The following PRKD1 variants were observed in gnomAD, a reference collection of about 807,000 sequenced individuals.
PRKD1 encodes protein kinase D1, also known as serine/threonine-protein kinase D1.
Under a neutral mutation model 95.9 loss-of-function variants are expected in PRKD1, and 63 were observed. The observed-to-expected ratio is 0.66, with a 90% CI of 0.54 to 0.81. The LOEUF (loss-of-function observed/expected upper bound fraction) is 0.81, where lower values mean the gene tolerates loss of function less well. Ranked by LOEUF, PRKD1 falls within the 30% of genes least tolerant of loss-of-function variation. The pLI is 0.00. For synonymous variants in PRKD1, 425 were observed against 423.1 expected (o/e 1.00, Z -0.05); for missense variants, 1,048 against 1,165.3 (o/e 0.90, Z 1.47).
chr14:29,579,909 T>G (rs569445145), intron 16 of PRKD1, among the ~76,000 whole-genome samples: 1 of 152,166 alleles, frequency 6.6e-6, no homozygotes, highest in Non-Finnish European at 1.5e-5. Context: ...AGTATAGTTC[T>G]GTGAACTGCG....
chr14:29,800,650 C>T (rs1466101999), intron 1 of PRKD1, among the ~76,000 whole-genome samples: 7 of 152,162 alleles, frequency 4.6e-5, no homozygotes, highest in Non-Finnish European at 1.0e-4. Context: ...ACAGACTCTA[C>T]ACATAGACAT....
At chr14:29,588,935 C>T (rs772788815) in intron 16 of PRKD1, among the ~76,000 whole-genome samples, 8 of 151,926 alleles carry the variant, frequency 5.3e-5, no homozygotes, top group African/African-American at 9.7e-5. Context: ...CAGCAGGTGA[C>T]TCGGGAATAG....
chr14:29,623,636 G>T (rs1303154060), intron 13 of PRKD1, among the ~76,000 whole-genome samples: 7 of 152,186 alleles, frequency 4.6e-5, no homozygotes, highest in African/African-American at 1.4e-4. Flanking sequence ...ATTCTGGTTT[G>T]AAAAAGGGAC....
intron 4 of PRKD1, among the ~76,000 whole-genome samples, chr14:29,641,907 T>TTC (rs1880798274): frequency 6.9e-6 from 1 of 145,498 alleles, no homozygotes; most frequent in African/African-American, 2.6e-5. Context: ...TCTTTTTTTT[T>TTC]TTTTTTTTTT....
chr14:29,773,292 T>C (rs1224081669), intron 1 of PRKD1, among the ~76,000 whole-genome samples: 3 of 151,836 alleles, frequency 2.0e-5, no homozygotes, highest in African/African-American at 7.3e-5. Context: ...AAAACCCCAC[T>C]CTACTAAAAA....
intron 1 of PRKD1, among the ~76,000 whole-genome samples, chr14:29,879,925 A>G (rs116983514): frequency 1.3e-5 from 2 of 152,200 alleles, no homozygotes; most frequent in East Asian, 3.8e-4. Context: ...AGAAGTTTCT[A>G]AACAGCAAAG....
intron 2 of PRKD1, among the ~76,000 whole-genome samples, chr14:29,677,014 G>A (rs1470759242): frequency 6.6e-6 from 1 of 152,186 alleles, no homozygotes; most frequent in African/African-American, 2.4e-5. Context: ...CTATATTGCA[G>A]AGTGCAGAAC....
intron 15 of PRKD1, among the ~76,000 whole-genome samples, chr14:29,598,784 G>A (rs1893405464): frequency 6.6e-6 from 1 of 152,172 alleles, no homozygotes; most frequent in Non-Finnish European, 1.5e-5. Context: ...GTCACTCTCA[G>A]GCCACTTCCG....
At chr14:29,812,081 A>G (rs942661936) in intron 1 of PRKD1, 1 of 152,212 alleles carries the variant, frequency 6.6e-6, no homozygotes, top group Admixed American at 6.5e-5. Flanking sequence ...GAGAACACAT[A>G]AAACTTGGGA....
rs148832736 is a variant in PRKD1 at position 29,648,651 on chromosome 14, T to G, written c.697-9747A>C. Among the ~76,000 whole-genome samples the G allele has an allele frequency of 8.5e-3, 1,301 of 152,264 alleles. 20 individuals are homozygous for G. The highest frequency in any genetic ancestry group is 0.03 in the African/African-American group (1,239 of 41,546). On this transcript the variant is annotated intron_variant, in intron 4 of 17. Transcript: ENST00000331968. ...GGCCTCACAAAGTCTTTTATAAAAC[T>G]GGCTGGGGCTTCTGTTTTTTTGACA...
chr14:29,620,918 A>G (rs1349369715), intron 13 of PRKD1, among the ~76,000 whole-genome samples: 2 of 151,958 alleles, frequency 1.3e-5, no homozygotes, highest in African/African-American at 4.8e-5. Context: ...AAAGACTTGG[A>G]ACCAACCCAA....
At position 29,630,882 on chromosome 14, in the gene PRKD1, G is replaced by A; in HGVS notation, c.1532C>T (p.Ser511Phe). The change falls in exon 10 of 18, where the codon TCC becomes TTC. Residue 511 changes from serine (S) to phenylalanine (F), a missense_variant. Coordinates refer to ENST00000331968, the MANE Select transcript of PRKD1 (RefSeq NM_002742.3). ...YYVGENVVNP[S>F]SPSPNNSVLT... ...AACACTGTTATTTGGTGATGGGCTGGAAGGATTGACCACATTTTCTCCCAC... is the reference window on the plus strand; with the variant it reads ...AACACTGTTATTTGGTGATGGGCTGAAAGGATTGACCACATTTTCTCCCAC... The A allele has an allele frequency of 6.2e-7, 1 of 1,614,132 alleles. No homozygotes were observed. The highest frequency in any genetic ancestry group is 8.5e-7 in the Non-Finnish European group (1 of 1,180,012).
chr14:29,634,270 C>CTGTAA, intron 8 of PRKD1, 148 bp downstream of exon 8: 1 of 1,194,126 alleles, frequency 8.4e-7, no homozygotes, highest in South Asian at 1.6e-5. Flanking sequence ...CACCCAGAGA[C>CTGTAA]TGTAATGCAC....
At chr14:29,889,290 T>G (rs1289505955) in intron 1 of PRKD1, among the ~76,000 whole-genome samples, 1 of 152,172 alleles carries the variant, frequency 6.6e-6, no homozygotes, top group Non-Finnish European at 1.5e-5. Context: ...ACAGCTCTGG[T>G]CTACAGTTCC....
intron 16 of PRKD1, among the ~76,000 whole-genome samples, chr14:29,578,988 A>C (rs1892666222): frequency 6.6e-6 from 1 of 152,110 alleles, no homozygotes; most frequent in African/African-American, 2.4e-5. Flanking sequence ...ATCAGCCTTC[A>C]TAGACTTTCT....
intron 1 of PRKD1, among the ~76,000 whole-genome samples, chr14:29,774,944 T>C (rs1888670465): frequency 6.6e-6 from 1 of 152,182 alleles, no homozygotes; most frequent in Admixed American, 6.5e-5. Context: ...AAAACCAGAC[T>C]ATTTACCAAG....
chr14:29,589,202 T>C (rs1281566680), intron 16 of PRKD1, among the ~76,000 whole-genome samples: 1 of 152,206 alleles, frequency 6.6e-6, no homozygotes, highest in African/African-American at 2.4e-5. Context: ...AATTTGATAA[T>C]GGAAATGTAC....
At chr14:29,647,863 A>C (rs1199603737) in intron 4 of PRKD1, among the ~76,000 whole-genome samples, 1 of 152,194 alleles carries the variant, frequency 6.6e-6, no homozygotes, top group African/African-American at 2.4e-5. Flanking sequence ...GACAAAGAAA[A>C]CAGATGCCTT....
At chr14:29,672,346 A>AT (rs1555334031) in intron 2 of PRKD1, among the ~76,000 whole-genome samples, 1 of 151,492 alleles carries the variant, frequency 6.6e-6, no homozygotes, top group South Asian at 2.1e-4. Context: ...GTCTCAAAAA[A>AT]AAAATAAAAT....
Sources: gnomAD v4.1 joint callset for allele counts (sites outside exome capture counted in the v4.1 genomes callset) on GRCh38, gnomAD v4.1.1 for gene constraint, MANE v1.5 for transcripts, NCBI Gene and HGNC (gene_info 2026-07-23, HGNC 2026-07-21) for gene names.